The following PTPRC variants were observed in gnomAD, a reference collection of about 807,000 sequenced individuals.
PTPRC encodes receptor-type tyrosine-protein phosphatase C.
In PTPRC, 44 loss-of-function variants were observed where a neutral mutation model predicts 155.9. That is an observed-to-expected ratio of 0.28 (90% CI 0.22 to 0.36). The LOEUF (loss-of-function observed/expected upper bound fraction) is 0.36. Ranked by LOEUF, PTPRC falls within the 10% of genes least tolerant of loss-of-function variation. The probability of loss-of-function intolerance (pLI) is 1.00; values close to 1 mark genes in which losing one functional copy is unlikely to be tolerated. For missense variants in PTPRC, 1,401 were observed against 1,564.6 expected (o/e 0.90, Z 1.76); for synonymous variants, 525 against 533.1 (o/e 0.98, Z 0.21).
intron 2 of PTPRC, among the ~76,000 whole-genome samples, chr1:198,641,515 CA>C (rs1662580559): frequency 6.6e-6 from 1 of 152,008 alleles, no homozygotes. Context: ...ATCTAAAATG[CA>C]CACACGGACA....
chr1:198,646,280 A>G (rs1003480916), intron 2 of PTPRC, among the ~76,000 whole-genome samples: 1 of 151,862 alleles, frequency 6.6e-6, no homozygotes, highest in African/African-American at 2.4e-5. Context: ...TATTAGATTC[A>G]TGAATCCATT....
At position 198,744,038 on chromosome 1, in the gene PTPRC, G is replaced by A. The variant is rs1322606369; in HGVS notation, c.2698-16G>A. 2.5e-6 allele frequency: 4 copies of A among 1,584,654 alleles called. No individual in the cohort carries two copies. Among genetic ancestry groups the A allele is most frequent in the Middle Eastern group, 1.7e-4 (1 of 5,962 alleles). ...GATTATCAGTTAACTATCTGTATTT[G>A]TTCTTGAAATTGTAGGCCCAGTACA... On this transcript the variant is annotated splice_polypyrimidine_tract_variant and intron_variant, in intron 25 of 32. Coordinates refer to ENST00000442510, the MANE Select transcript of PTPRC (RefSeq NM_002838.5).
In PTPRC at chr1:198,748,211, AT is replaced by A. The variant is rs771097555; in HGVS notation, c.2938+19del. On this transcript the variant is annotated intron_variant, in intron 27 of 32. Transcript: ENST00000442510. ...TAATGTCATCCCATGTATGTAGTTT[AT>A]TTTTTTATTTTTTGTATCAGATAAA... 1.1e-5 allele frequency: 18 copies of A among 1,591,018 alleles called. No homozygotes were observed. The highest frequency in any genetic ancestry group is 1.5e-5 in the Non-Finnish European group (17 of 1,169,608).
At chr1:198,749,290 C>G in intron 27 of PTPRC, 126 bp from the exon 28 acceptor site, 1 of 911,728 alleles carries the variant, frequency 1.1e-6, no homozygotes. Context: ...GATCTTATTT[C>G]ATGTAGATCA....
chr1:198,756,671 C>T lies in PTPRC; in HGVS notation c.*490C>T. ...ATGACCTCAAGATGTCCTCCTTGTTCTACTCATATATATCTATCTTATATA... is the reference window on the plus strand; with the variant it reads ...ATGACCTCAAGATGTCCTCCTTGTTTTACTCATATATATCTATCTTATATA... On this transcript the variant is annotated 3_prime_UTR_variant, in exon 33 of 33. Coordinates refer to ENST00000442510, the MANE Select transcript of PTPRC (RefSeq NM_002838.5). 1 of 164,814 alleles carries T rather than the reference C, an allele frequency of 6.1e-6. No homozygotes were observed. The allele number at this position is 164,814 out of a possible 1,614,324, so 10.2% of individuals were successfully genotyped here.
rs1283847750 is a variant in PTPRC, at chr1:198,718,247, A to G, written c.1604A>G (p.Lys535Arg). 3 of 1,613,998 alleles carry G rather than the reference A, an allele frequency of 1.9e-6. No individual in the cohort carries two copies. Among genetic ancestry groups the G allele is most frequent in the Non-Finnish European group, 2.5e-6 (3 of 1,180,002 alleles). Residue 535 changes from lysine (K) to arginine (R), a missense_variant, in exon 14 of 33, where the codon AAG becomes AGG. Coordinates refer to ENST00000442510, the MANE Select transcript of PTPRC (RefSeq NM_002838.5). ...ACTCTGGTTAGAAATGAGTCGCATA[A>G]GAATTGCGATTTCCGTGTAAAAGAT... Reference protein sequence around the residue: ...GNTLVRNESHKNCDFRVKDLQ... With the variant: ...GNTLVRNESHRNCDFRVKDLQ...
At chr1:198,704,158 A>T (rs967789104) in intron 7 of PTPRC, among the ~76,000 whole-genome samples, 4 of 152,204 alleles carry the variant, frequency 2.6e-5, no homozygotes, top group African/African-American at 9.7e-5. Context: ...GAAGACCTTT[A>T]AAATATTTTT....
At chr1:198,644,485 T>C (rs1662826883) in intron 2 of PTPRC, among the ~76,000 whole-genome samples, 1 of 151,908 alleles carries the variant, frequency 6.6e-6, no homozygotes, top group Admixed American at 6.6e-5. Context: ...TTAGAAAATA[T>C]CTAATTATTG....
At chr1:198,649,053 C>T (rs984379676) in intron 2 of PTPRC, among the ~76,000 whole-genome samples, 1 of 151,642 alleles carries the variant, frequency 6.6e-6, no homozygotes, top group Non-Finnish European at 1.5e-5. Flanking sequence ...ATCCAAAAAG[C>T]ATATTAAGTG....
intron 10 of PTPRC, 75 bp from the exon 11 acceptor site, chr1:198,709,612 A>G (rs1653181162): frequency 8.0e-7 from 1 of 1,245,016 alleles, no homozygotes; most frequent in South Asian, 1.6e-5. Flanking sequence ...AGAATTATAA[A>G]TGTGAAATTA....
At chr1:198,683,160 A>G (rs1182602730) in intron 2 of PTPRC, among the ~76,000 whole-genome samples, 15 of 152,176 alleles carry the variant, frequency 9.9e-5, no homozygotes, top group African/African-American at 3.4e-4. Flanking sequence ...AGAGAATACC[A>G]TCTACTTTGT....
intron 3 of PTPRC, chr1:198,692,606 A>C (rs1665988147): frequency 9.9e-7 from 1 of 1,013,778 alleles, no homozygotes; most frequent in African/African-American, 1.7e-5. Flanking sequence ...TATAAATAGT[A>C]ACTTTTCCCA....
At chr1:198,685,069 C>T (rs1665546023) in intron 2 of PTPRC, among the ~76,000 whole-genome samples, 2 of 151,966 alleles carry the variant, frequency 1.3e-5, no homozygotes, top group South Asian at 2.1e-4. Flanking sequence ...ATCAAATGAA[C>T]TGCATGTCAA....
chr1:198,697,671 T>C (rs1666269057), intron 4 of PTPRC, among the ~76,000 whole-genome samples: 1 of 152,228 alleles, frequency 6.6e-6, no homozygotes, highest in Admixed American at 6.5e-5. Context: ...AAATAATGTG[T>C]TATGTTGACT....
chr1:198,685,829 G>T (rs752865651), intron 2 of PTPRC, among the ~76,000 whole-genome samples: 4 of 151,938 alleles, frequency 2.6e-5, no homozygotes, highest in Admixed American at 6.6e-5. Flanking sequence ...TCATTTTAGG[G>T]CAGATGCTGA....
chr1:198,703,325 C>T lies in PTPRC; in HGVS notation c.611C>T (p.Thr204Ile). 2 of 1,613,254 alleles carry T rather than the reference C, an allele frequency of 1.2e-6. No homozygotes were observed. The highest frequency in any genetic ancestry group is 1.7e-6 in the Non-Finnish European group (2 of 1,180,034). The change falls in exon 7 of 33, where the codon ACC becomes ATC. Residue 204 changes from threonine to isoleucine, a missense_variant. Transcript: ENST00000442510. Reference sequence around the variant, plus strand: ...GCCTACCTTAATGCCTCTGAAACAACCACTCTGAGCCCTTCTGGAAGCGCT... The same window carrying T: ...GCCTACCTTAATGCCTCTGAAACAATCACTCTGAGCCCTTCTGGAAGCGCT... Reference protein sequence around the residue: ...SDAYLNASETTTLSPSGSAVI... With the variant: ...SDAYLNASETITLSPSGSAVI...
At chr1:198,734,487 CA>C in intron 22 of PTPRC, 62 bp downstream of exon 22, 1 of 1,448,362 alleles carries the variant, frequency 6.9e-7, no homozygotes, top group Non-Finnish European at 9.7e-7. Context: ...TGTTGAATGG[CA>C]TTTTGAAAAG....
At chr1:198,679,405 T>A (rs1313852646) in intron 2 of PTPRC, among the ~76,000 whole-genome samples, 1 of 149,272 alleles carries the variant, frequency 6.7e-6, no homozygotes, top group Non-Finnish European at 1.5e-5. Flanking sequence ...TATTTTTTTT[T>A]TTTTTTTTTT....
At chr1:198,711,181 C>A (rs1653292047) in intron 11 of PTPRC, among the ~76,000 whole-genome samples, 1 of 152,142 alleles carries the variant, frequency 6.6e-6, no homozygotes, top group Admixed American at 6.5e-5. Context: ...CTGCCTAAAT[C>A]CTTGTCTCCT....
Sources: gnomAD v4.1 joint callset for allele counts (sites outside exome capture counted in the v4.1 genomes callset) on GRCh38, gnomAD v4.1.1 for gene constraint, MANE v1.5 for transcripts, NCBI Gene and HGNC (gene_info 2026-07-23, HGNC 2026-07-21) for gene names.